FKBP9: variants seen among roughly 807,000 people sequenced by gnomAD.
FKBP9 encodes peptidyl-prolyl cis-trans isomerase FKBP9.
Under a neutral mutation model 55.6 loss-of-function variants are expected in FKBP9, and 27 were observed. The ratio of observed to expected loss-of-function variants is 0.49; its 90% CI spans 0.36 to 0.67. FKBP9 has a LOEUF of 0.67. Ranked by LOEUF, FKBP9 falls within the 30% of genes least tolerant of loss-of-function variation. The pLI is 0.00. For missense variants in FKBP9, 539 were observed against 742.8 expected (o/e 0.73, Z 3.19); for synonymous variants, 267 against 296.5 (o/e 0.90, Z 1.02).
chr7:32,990,938 C>A (rs533540931), intron 6 of FKBP9, among the ~76,000 whole-genome samples: 2 of 152,084 alleles, frequency 1.3e-5, no homozygotes, highest in South Asian at 4.1e-4. Flanking sequence ...TTTTTTCTCC[C>A]TGACTTAAAT....
intron 4 of FKBP9, among the ~76,000 whole-genome samples, chr7:32,976,946 T>G (rs1373841974): frequency 6.6e-6 from 1 of 152,218 alleles, no homozygotes; most frequent in African/African-American, 2.4e-5. Context: ...ATTTGTGAAA[T>G]GAGACTTGAA....
At position 33,000,109 on chromosome 7, in the gene FKBP9, T is replaced by C. The variant is rs762562679; in HGVS notation, c.1227-6T>C. On this transcript the variant is annotated splice_region_variant and splice_polypyrimidine_tract_variant and intron_variant, in intron 7 of 9. Coordinates refer to ENST00000242209, the MANE Select transcript of FKBP9 (RefSeq NM_007270.5). ...CCTAACATGAGGCTCTTCTGTTTCATTTTAGGTGGAATTTAGGCAAAACTT... is the reference window on the plus strand; with the variant it reads ...CCTAACATGAGGCTCTTCTGTTTCACTTTAGGTGGAATTTAGGCAAAACTT... 1 of 1,614,164 alleles carries C rather than the reference T, an allele frequency of 6.2e-7. No individual in the cohort carries two copies. Among genetic ancestry groups the C allele is most frequent in the Non-Finnish European group, 8.5e-7 (1 of 1,180,012 alleles).
chr7:32,968,795 T>C (rs1263476910), intron 1 of FKBP9, among the ~76,000 whole-genome samples: 4 of 149,504 alleles, frequency 2.7e-5, no homozygotes, highest in Admixed American at 2.7e-4. Flanking sequence ...GTAGCTGGGA[T>C]TACAGGCATA....
At chr7:32,965,843 A>ATGTG (rs776212480) in intron 1 of FKBP9, among the ~76,000 whole-genome samples, 5 of 41,412 alleles carry the variant, frequency 1.2e-4, no homozygotes, top group Admixed American at 4.1e-4. Flanking sequence ...ATATATATAT[A>ATGTG]TGTGTGTACA....
chr7:33,004,290 G>A (rs1467977532), intron 9 of FKBP9, among the ~76,000 whole-genome samples: 1 of 152,040 alleles, frequency 6.6e-6, no homozygotes, highest in Non-Finnish European at 1.5e-5. Flanking sequence ...ACAGAAGCTG[G>A]GTCAGACCCG....
At chr7:32,996,606 TTTCCTTCCTTCCTTCCTTCCTTCC>T (rs201756956) in intron 7 of FKBP9, among the ~76,000 whole-genome samples, 6 of 110,418 alleles carry the variant, frequency 5.4e-5, no homozygotes, top group South Asian at 3.6e-4. Flanking sequence ...AACTGCTATC[TTTCCTTCCTTCCTTCCTTCCTTCC>T]TTCCTTCCTT....
At chr7:32,973,699 T>TG (rs1321686796) in intron 1 of FKBP9, among the ~76,000 whole-genome samples, 11 of 130,370 alleles carry the variant, frequency 8.4e-5, no homozygotes, top group South Asian at 2.7e-4. Context: ...TTTTTTTTTT[T>TG]TTTTTTTTTG....
At chr7:32,990,722 A>G (rs1329002065) in intron 6 of FKBP9, among the ~76,000 whole-genome samples, 2 of 152,262 alleles carry the variant, frequency 1.3e-5, no homozygotes, top group Admixed American at 1.3e-4. Flanking sequence ...TCGCTTAGCA[A>G]TAGTTGATGC....
chr7:32,996,586 C>G (rs1784791629), intron 7 of FKBP9, among the ~76,000 whole-genome samples: 1 of 150,510 alleles, frequency 6.6e-6, no homozygotes, highest in South Asian at 2.1e-4. Flanking sequence ...AAAAGCAGAT[C>G]TCATCGTATA....
intron 8 of FKBP9, 151 bp from the exon 9 acceptor site, chr7:33,002,525 T>G: frequency 7.9e-7 from 1 of 1,267,188 alleles, no homozygotes; most frequent in South Asian, 1.5e-5. Flanking sequence ...CTGCCTACAG[T>G]GAGAAAGTGA....
intron 5 of FKBP9, among the ~76,000 whole-genome samples, chr7:32,985,125 C>T (rs992614769): frequency 4.0e-5 from 6 of 151,888 alleles, no homozygotes; most frequent in African/African-American, 1.5e-4. Flanking sequence ...CTTGTCCCAC[C>T]TCCCCTCTTC....
chr7:32,986,195 C>G (rs1784572073), intron 5 of FKBP9, among the ~76,000 whole-genome samples: 1 of 152,204 alleles, frequency 6.6e-6, no homozygotes, highest in Non-Finnish European at 1.5e-5. Flanking sequence ...CCCTTGCTGC[C>G]AGACCATTGC....
intron 3 of FKBP9, among the ~76,000 whole-genome samples, chr7:32,975,672 A>C (rs1038603340): frequency 6.9e-6 from 1 of 145,480 alleles, no homozygotes; most frequent in Admixed American, 6.9e-5. Context: ...TTTGAGATGG[A>C]TTCTCGCCCT....
At chr7:32,988,764 G>T (rs1583862431) in intron 6 of FKBP9, 112 bp downstream of exon 6, 4 of 1,052,342 alleles carry the variant, frequency 3.8e-6, no homozygotes, top group African/African-American at 1.6e-5. Context: ...GTCTCCCTCT[G>T]TTGAACAGGC....
At chr7:32,998,408 CG>C (rs1562575744) in intron 7 of FKBP9, 1 of 152,000 alleles carries the variant, frequency 6.6e-6, no homozygotes, top group African/African-American at 2.4e-5. Flanking sequence ...TCACGTGGGG[CG>C]GGGAGAGTCA....
At chr7:32,964,777 C>T (rs892426768) in intron 1 of FKBP9, among the ~76,000 whole-genome samples, 11 of 152,210 alleles carry the variant, frequency 7.2e-5, no homozygotes, top group African/African-American at 2.2e-4. Flanking sequence ...CCAGAGTCCC[C>T]TTTGGGAGTG....
Position 32,957,531 on chromosome 7 carries a change from C to T in FKBP9, c.-43C>T, listed in dbSNP as rs112083078. 1 of 1,351,606 alleles carries T rather than the reference C, an allele frequency of 7.4e-7. No individual in the cohort carries two copies. The highest frequency in any genetic ancestry group is 9.5e-7 in the Non-Finnish European group (1 of 1,052,312). The allele number at this position is 1,351,606 out of a possible 1,614,324, so 83.7% of individuals were successfully genotyped here. On this transcript the variant is annotated 5_prime_UTR_variant, in exon 1 of 10. Coordinates refer to ENST00000242209, the MANE Select transcript of FKBP9 (RefSeq NM_007270.5). ...GAACGCCCAGGCCGACCCGTGCCGC[C>T]CGAGCGCCGCGCTGCGTCCGCGCCA...
chr7:32,979,858 C>G (rs938268442), intron 4 of FKBP9, among the ~76,000 whole-genome samples: 3 of 151,786 alleles, frequency 2.0e-5, no homozygotes, highest in Non-Finnish European at 2.9e-5. Context: ...ATTCTGCTTT[C>G]ATCTTATTTA....
intron 1 of FKBP9, among the ~76,000 whole-genome samples, chr7:32,960,249 GGATTAC>G (rs1452249346): frequency 6.6e-6 from 1 of 151,732 alleles, no homozygotes; most frequent in East Asian, 1.9e-4. Flanking sequence ...TGAGTAGCTG[GGATTAC>G]AGGTGCCTGC....
Sources: gnomAD v4.1 joint callset for allele counts (sites outside exome capture counted in the v4.1 genomes callset) on GRCh38, gnomAD v4.1.1 for gene constraint, MANE v1.5 for transcripts, NCBI Gene and HGNC (gene_info 2026-07-23, HGNC 2026-07-21) for gene names.